Variants in ACACA observed in about 807,000 individuals in gnomAD.
ACACA encodes the protein acetyl-CoA carboxylase alpha, also known as acetyl-CoA carboxylase 1.
A neutral mutation model predicts 296.1 loss-of-function variants in ACACA; 103 were observed. The ratio of observed to expected loss-of-function variants is 0.35; its 90% confidence interval spans 0.30 to 0.41. The LOEUF is 0.41. ACACA is among the 10% of genes least tolerant of loss of function. The pLI, the probability that ACACA is intolerant of heterozygous loss-of-function variation, is 1.00. For missense variants in ACACA, 1,554 were observed against 2,989.7 expected (o/e 0.52, Z 11.20); for synonymous variants, 953 against 1,038.6 (o/e 0.92, Z 1.58).
In ACACA at chr17:37,129,588, G is replaced by A. The variant is rs375436200; in HGVS notation, c.5824-103C>T. 1.4e-5 allele frequency: 20 copies of A among 1,465,724 alleles called. 1 individual carries two copies. The East Asian group carries it at 1.6e-4, about 12-fold the overall frequency. The allele number at this position is 1,465,724 out of a possible 1,614,324, so 90.8% of individuals were successfully genotyped here. The stretch of plus-strand genomic sequence containing the variant: ...ACAAAGACAGCAGGGCCCACGTATG[G>A]AATTGCACCCAATAGTCCCAATCTT... On this transcript the variant is annotated intron_variant, in intron 46 of 55. Transcript: ENST00000616317.
intron 52 of ACACA, among the ~76,000 whole-genome samples, chr17:37,105,877 A>AAG (rs1555547098): frequency 6.6e-6 from 1 of 151,242 alleles, no homozygotes; most frequent in African/African-American, 2.4e-5. Context: ...AAAAAAAAAA[A>AAG]AAAGAAAGAA....
chr17:37,325,774 A>G (rs993585136), intron 3 of ACACA, among the ~76,000 whole-genome samples: 8 of 151,478 alleles, frequency 5.3e-5, no homozygotes, highest in African/African-American at 1.7e-4. Context: ...GGGTTTCTCC[A>G]TGTTGGTCAG....
At chr17:37,372,370 G>A (rs1016366087) in intron 1 of ACACA, among the ~76,000 whole-genome samples, 9 of 146,476 alleles carry the variant, frequency 6.1e-5, no homozygotes, top group South Asian at 2.1e-4. Context: ...CCGAGATCGC[G>A]CCACTGCACT....
intron 38 of ACACA, among the ~76,000 whole-genome samples, chr17:37,190,263 T>C (rs2077698282): frequency 6.6e-6 from 1 of 152,080 alleles, no homozygotes; most frequent in South Asian, 2.1e-4. Context: ...ACCCCGTTTC[T>C]ACTAAAAATA....
chr17:37,126,719 G>C (rs972156291), intron 47 of ACACA, among the ~76,000 whole-genome samples: 5 of 152,186 alleles, frequency 3.3e-5, no homozygotes, highest in Non-Finnish European at 7.3e-5. Flanking sequence ...ACAGGATGGA[G>C]AGTGTTTTAT....
chr17:37,268,431 A>T (rs781649961), intron 10 of ACACA, among the ~76,000 whole-genome samples: 1 of 151,952 alleles, frequency 6.6e-6, no homozygotes, highest in Non-Finnish European at 1.5e-5. Flanking sequence ...TTTCCAGTTC[A>T]CCCTTTCTCC....
At chr17:37,345,042 C>G (rs1337295919) in intron 1 of ACACA, among the ~76,000 whole-genome samples, 1 of 152,056 alleles carries the variant, frequency 6.6e-6, no homozygotes, top group Non-Finnish European at 1.5e-5. Flanking sequence ...ATTTTCCGGT[C>G]CTCTTTCCCT....
intron 50 of ACACA, among the ~76,000 whole-genome samples, chr17:37,120,039 A>G (rs2074451842): frequency 6.7e-6 from 1 of 149,554 alleles, no homozygotes; most frequent in African/African-American, 2.5e-5. Flanking sequence ...GATTATAGGC[A>G]TGCACCACCC....
intron 1 of ACACA, among the ~76,000 whole-genome samples, chr17:37,355,322 C>A (rs952605498): frequency 4.6e-5 from 7 of 151,942 alleles, no homozygotes; most frequent in Non-Finnish European, 8.8e-5. Context: ...CTTTGGGAGG[C>A]CGAAGTGGGT....
chr17:37,340,726 G>A (rs1409173795), intron 1 of ACACA, among the ~76,000 whole-genome samples: 2 of 152,192 alleles, frequency 1.3e-5, no homozygotes, highest in African/African-American at 2.4e-5. Flanking sequence ...CCCTACAACT[G>A]AGAAGAGGAA....
intron 1 of ACACA, among the ~76,000 whole-genome samples, chr17:37,361,060 A>G (rs2049387300): frequency 7.5e-6 from 1 of 133,540 alleles, no homozygotes; most frequent in Admixed American, 7.8e-5. Context: ...TTTTTTTGAG[A>G]TGGAGTCTCG....
chr17:37,341,900 T>C (rs2048386492), intron 1 of ACACA, among the ~76,000 whole-genome samples: 3 of 152,024 alleles, frequency 2.0e-5, no homozygotes, highest in African/African-American at 7.2e-5. Flanking sequence ...CCATACAGGT[T>C]TGGGATTCCT....
chr17:37,305,840 C>A (rs1304396206), intron 3 of ACACA, among the ~76,000 whole-genome samples: 1 of 150,168 alleles, frequency 6.7e-6, no homozygotes, highest in Non-Finnish European at 1.5e-5. Context: ...GGAATAGGAA[C>A]AATCCCAGAC....
intron 2 of ACACA, among the ~76,000 whole-genome samples, chr17:37,333,664 C>T (rs2047986439): frequency 6.6e-6 from 1 of 151,460 alleles, no homozygotes; most frequent in Non-Finnish European, 1.5e-5. Context: ...ATCAGATGGC[C>T]AAATCATTAT....
In ACACA at chr17:37,234,967, G is replaced by T; in HGVS notation, c.3246+8C>A. The T allele has an allele frequency of 6.2e-7, 1 of 1,613,616 alleles. No individual in the cohort carries two copies. Among genetic ancestry groups the T allele is most frequent in the Non-Finnish European group, 8.5e-7 (1 of 1,179,894 alleles). ...CGGTCTTTACAAGTTCTGAAAAATG[G>T]TACTCACAATAAGCATTGTGACCAG... is the stretch of plus-strand genomic sequence containing the variant. On this transcript the variant is annotated splice_region_variant and intron_variant, in intron 25 of 55. Transcript: ENST00000616317.
rs776152223 is a variant in ACACA at position 37,277,879 on chromosome 17, A to G, written c.720+17T>C. On this transcript the variant is annotated intron_variant, in intron 6 of 55. Transcript: ENST00000616317. ...ATGGCTGAATTTGGTTTTAAAGGAC[A>G]CATTGGCATCTCTTACTTGTACTGG... 7.0e-6 allele frequency: 11 copies of G among 1,575,106 alleles called. No individual in the cohort carries two copies. The highest frequency in any genetic ancestry group is 1.7e-4 in the Middle Eastern group (1 of 5,994).
At chr17:37,129,931 A>G in intron 46 of ACACA, 144 bp downstream of exon 46, 3 of 1,236,986 alleles carry the variant, frequency 2.4e-6, no homozygotes, top group Non-Finnish European at 3.5e-6. Flanking sequence ...CTGTAAGGAA[A>G]AGAGAAATCA....
At chr17:37,274,066 T>C in intron 9 of ACACA, 127 bp downstream of exon 9, 1 of 801,720 alleles carries the variant, frequency 1.2e-6, no homozygotes, top group Non-Finnish European at 2.2e-6. Flanking sequence ...ACTTTCAAAC[T>C]ACACCTCCTG....
intron 41 of ACACA, among the ~76,000 whole-genome samples, 168 bp from the exon 42 acceptor site, chr17:37,162,218 T>C (rs557879934): frequency 1.3e-5 from 2 of 152,322 alleles, no homozygotes; most frequent in Non-Finnish European, 2.9e-5. Context: ...TCTAGTATAC[T>C]GCTAGATTAT....
Sources: allele counts gnomAD v4.1 joint callset (sites outside exome capture counted in the v4.1 genomes callset), GRCh38; gene constraint gnomAD v4.1.1; transcripts MANE v1.5; gene names NCBI Gene and HGNC (gene_info 2026-07-23, HGNC 2026-07-21).